KCNT2: variants seen among roughly 807,000 people sequenced by gnomAD.
KCNT2 encodes potassium sodium-activated channel subfamily T member 2.
In KCNT2, 67 loss-of-function variants were observed where a neutral mutation model predicts 153.8. The observed-to-expected ratio is 0.44, with a 90% CI of 0.36 to 0.53. The LOEUF (loss-of-function observed/expected upper bound fraction) is 0.53. KCNT2 is among the 20% of genes least tolerant of loss of function. The pLI, the probability that KCNT2 is intolerant of heterozygous loss-of-function variation, is 0.00. For synonymous variants in KCNT2, 500 were observed against 458.8 expected (o/e 1.09, Z -1.15); for missense variants, 975 against 1,354.8 (o/e 0.72, Z 4.40).
intron 22 of KCNT2, among the ~76,000 whole-genome samples, chr1:196,294,279 T>C (rs1660475932): frequency 6.6e-6 from 1 of 152,164 alleles, no homozygotes; most frequent in African/African-American, 2.4e-5. Context: ...CATTATGTTT[T>C]GTTTTTTTGT....
intron 8 of KCNT2, among the ~76,000 whole-genome samples, chr1:196,458,531 A>G (rs1160899595): frequency 6.6e-6 from 1 of 151,984 alleles, no homozygotes; most frequent in Non-Finnish European, 1.5e-5. Context: ...AATACCTAAA[A>G]GTCATAATTA....
intron 14 of KCNT2, among the ~76,000 whole-genome samples, chr1:196,350,683 G>A (rs1379699873): frequency 1.3e-5 from 2 of 152,066 alleles, no homozygotes; most frequent in East Asian, 3.9e-4. Flanking sequence ...AATTTCTTTT[G>A]CTGTGCAGAA....
rs181362723 is a variant in KCNT2 at position 196,548,130 on chromosome 1, T to C, written c.96-55789A>G. On this transcript the variant is annotated intron_variant, in intron 1 of 27. Coordinates refer to ENST00000294725, the MANE Select transcript of KCNT2 (RefSeq NM_198503.5). Reference sequence around the variant, plus strand: ...AATAATAATAACTAAAAAATAAAAATAGTAAAAAAAACATTTCTTTGTATT... The same window carrying C: ...AATAATAATAACTAAAAAATAAAAACAGTAAAAAAAACATTTCTTTGTATT... 4.9e-3 allele frequency among the ~76,000 whole-genome samples: 738 copies of C among 150,172 alleles called. 2 individuals carry two copies. The highest frequency in any genetic ancestry group is 0.017 in the African/African-American group (671 of 39,790).
At chr1:196,321,963 G>C (rs972239561) in intron 19 of KCNT2, among the ~76,000 whole-genome samples, 1 of 151,772 alleles carries the variant, frequency 6.6e-6, no homozygotes, top group African/African-American at 2.4e-5. Context: ...TTAATCATTG[G>C]GAGGCAGCTA....
chr1:196,521,415 A>G (rs1653380193), intron 1 of KCNT2, among the ~76,000 whole-genome samples: 1 of 152,174 alleles, frequency 6.6e-6, no homozygotes, highest in African/African-American at 2.4e-5. Flanking sequence ...TAAAAACAGT[A>G]CCACCATTTG....
chr1:196,579,872 T>TGATACAGCTTTCATTGGC (rs1661818476), intron 1 of KCNT2, among the ~76,000 whole-genome samples: 1 of 152,154 alleles, frequency 6.6e-6, no homozygotes, highest in Non-Finnish European at 1.5e-5. Flanking sequence ...CTTTCATTGG[T>TGATACAGCTTTCATTGGC]GATACAGCTT....
intron 23 of KCNT2, among the ~76,000 whole-genome samples, chr1:196,284,214 G>A (rs555323913): frequency 1.6e-5 from 1 of 61,360 alleles, no homozygotes; most frequent in East Asian, 6.0e-4. Flanking sequence ...CTGGGCGACA[G>A]AGCAAGACTC....
At chr1:196,277,852 AAAT>A (rs1255095674) in intron 25 of KCNT2, among the ~76,000 whole-genome samples, 2 of 152,154 alleles carry the variant, frequency 1.3e-5, no homozygotes, top group African/African-American at 2.4e-5. Flanking sequence ...AATCTTAAAA[AAAT>A]AATGTTTTAT....
At chr1:196,411,294 A>G (rs980879968) in intron 12 of KCNT2, among the ~76,000 whole-genome samples, 2 of 151,210 alleles carry the variant, frequency 1.3e-5, no homozygotes, top group African/African-American at 2.4e-5. Context: ...TGCTGGTACC[A>G]TGTGGTTTTA....
At chr1:196,535,886 T>C (rs1462832655) in intron 1 of KCNT2, among the ~76,000 whole-genome samples, 1 of 152,226 alleles carries the variant, frequency 6.6e-6, no homozygotes, top group Non-Finnish European at 1.5e-5. Flanking sequence ...ATACATATCA[T>C]GCAGAGTTGT....
chr1:196,478,642 C>A (rs190904398), intron 5 of KCNT2, among the ~76,000 whole-genome samples: 3 of 152,088 alleles, frequency 2.0e-5, no homozygotes, highest in Admixed American at 2.0e-4. Context: ...CTGGAATTAC[C>A]CATTATATGC....
chr1:196,521,747 G>T (rs10922078), intron 1 of KCNT2, among the ~76,000 whole-genome samples: 41,021 of 151,858 alleles, frequency 0.27, 6,043 homozygotes, highest in Admixed American at 0.37. Flanking sequence ...TAAATGATGA[G>T]AACACATGGA....
chr1:196,333,141 C>T (rs1303819763), intron 17 of KCNT2, among the ~76,000 whole-genome samples: 1 of 150,386 alleles, frequency 6.6e-6, no homozygotes, highest in Non-Finnish European at 1.5e-5. Flanking sequence ...CACTTGTACA[C>T]AACCAATATA....
chr1:196,487,969 C>T (rs1195731342), intron 3 of KCNT2, among the ~76,000 whole-genome samples: 1 of 151,976 alleles, frequency 6.6e-6, no homozygotes, highest in Admixed American at 6.6e-5. Context: ...ATGCTGATGG[C>T]TCATCTTTCA....
chr1:196,235,675 G>A (rs1446502408), intron 27 of KCNT2, among the ~76,000 whole-genome samples: 8 of 151,336 alleles, frequency 5.3e-5, no homozygotes, highest in Admixed American at 5.3e-4. Flanking sequence ...GACAGTGTGG[G>A]ATATTTCACT....
intron 14 of KCNT2, among the ~76,000 whole-genome samples, chr1:196,345,413 G>A (rs1035576027): frequency 3.3e-5 from 5 of 152,082 alleles, no homozygotes; most frequent in Non-Finnish European, 5.9e-5. Context: ...TGCTTGATGC[G>A]GCTAAGGAAG....
chr1:196,443,604 G>C (rs1320854095), intron 8 of KCNT2, among the ~76,000 whole-genome samples: 2 of 151,584 alleles, frequency 1.3e-5, no homozygotes, highest in African/African-American at 2.4e-5. Flanking sequence ...TAACCAGCTT[G>C]TGGAATCAGG....
At chr1:196,544,927 A>G (rs1214063101) in intron 1 of KCNT2, among the ~76,000 whole-genome samples, 1 of 151,398 alleles carries the variant, frequency 6.6e-6, no homozygotes, top group Non-Finnish European at 1.5e-5. Context: ...CTTTGAAATA[A>G]TGACTGCTTT....
chr1:196,523,736 T>C (rs1653807699), intron 1 of KCNT2, among the ~76,000 whole-genome samples: 2 of 152,212 alleles, frequency 1.3e-5, no homozygotes, highest in Admixed American at 1.3e-4. Context: ...ATAAAGTTCC[T>C]TAACTGACTT....
Sources: allele counts gnomAD v4.1 joint callset (sites outside exome capture counted in the v4.1 genomes callset), GRCh38; gene constraint gnomAD v4.1.1; transcripts MANE v1.5; gene names NCBI Gene and HGNC (gene_info 2026-07-23, HGNC 2026-07-21).